Variants in TENT5D observed in about 807,000 individuals in gnomAD.
TENT5D encodes cancer/testis antigen 112.
For synonymous variants in TENT5D, 103 were observed against 100.6 expected (o/e 1.02, Z -0.15); for missense variants, 191 against 287.0 (o/e 0.67, Z 2.42).
At position 80,342,128 on chromosome X, in the gene TENT5D, A is replaced by T. The variant is rs531603414; in HGVS notation, c.-206-372A>T. Among the ~76,000 whole-genome samples, 58 of 111,750 alleles carry T rather than the reference A, an allele frequency of 5.2e-4. No homozygotes were observed. In the East Asian group the frequency reaches 0.01, roughly 19 times the overall value. ...AAAAGAGACATTCAATTAAAAGGTA[A>T]ATTCAAAATAAGAATTTATTTTAAA... On this transcript the variant is annotated intron_variant, in intron 2 of 4. Coordinates refer to the TENT5D transcript ENST00000538312.
At chrX:80,421,558 A>T (rs1253178470) in intron 1 of TENT5D, among the ~76,000 whole-genome samples, 3 of 112,654 alleles carry the variant, frequency 2.7e-5, no homozygotes, top group Admixed American at 9.4e-5. Context: ...AATTTAATGC[A>T]AGTAAAGTTT....
intron 3 of TENT5D, among the ~76,000 whole-genome samples, chrX:80,363,104 A>G (rs1930442598): frequency 8.9e-6 from 1 of 111,778 alleles, no homozygotes; most frequent in South Asian, 3.7e-4. Flanking sequence ...GTTAAAAAGT[A>G]CTTAAAATGT....
In TENT5D at chrX:80,426,160, C is replaced by T. The variant is rs372483407; in HGVS notation, c.-142+5597C>T. Among the ~76,000 whole-genome samples, 69 of 110,904 alleles carry T rather than the reference C, an allele frequency of 6.2e-4. 1 individual carries two copies. In the South Asian group the frequency reaches 0.017, roughly 27 times the overall value. On this transcript the variant is annotated intron_variant, in intron 1 of 2. Coordinates refer to ENST00000308293, the Ensembl canonical transcript of TENT5D. ...CTGTTTTCTGGATGCTCTAGGGGCC[C>T]GCTGTAGCATCCGAAAGCTAGGTGT...
intron 1 of TENT5D, among the ~76,000 whole-genome samples, chrX:80,434,220 AAGAC>A (rs1412081123): frequency 7.3e-5 from 8 of 109,817 alleles, no homozygotes; most frequent in African/African-American, 1.7e-4. Context: ...AAAAAAAAAA[AAGAC>A]AGATCAGGAT....
At chrX:80,395,930 CAT>C (rs952153897) in intron 3 of TENT5D, among the ~76,000 whole-genome samples, 2 of 106,702 alleles carry the variant, frequency 1.9e-5, no homozygotes, top group African/African-American at 6.8e-5. Context: ...TTAGCTTCCA[CAT>C]ATGAGTGAGA....
At chrX:80,444,019 G>C (rs974031221) in exon 3 of TENT5D, 2 of 209,549 alleles carry the variant, frequency 9.5e-6, no homozygotes, top group Non-Finnish European at 1.9e-5. Flanking sequence ...CAAATTTACT[G>C]TGACAAATAT....
intron 3 of TENT5D, among the ~76,000 whole-genome samples, chrX:80,383,081 C>T (rs1342040473): frequency 2.7e-5 from 3 of 112,146 alleles, no homozygotes; most frequent in Admixed American, 9.4e-5. Context: ...GCATCGATCA[C>T]GCTGGGAGCT....
chrX:80,443,997 A>T (rs779266628), exon 3 of TENT5D: 1 of 236,995 alleles, frequency 4.2e-6, no homozygotes, highest in South Asian at 1.9e-4. Context: ...TCTTTTGACT[A>T]CTTGTGACTT....
At chrX:80,436,958 C>A (rs987055072) in intron 1 of TENT5D, among the ~76,000 whole-genome samples, 1 of 111,737 alleles carries the variant, frequency 8.9e-6, no homozygotes, top group African/African-American at 3.3e-5. Flanking sequence ...TATTTGGTAT[C>A]TTTTTGCTTT....
chrX:80,398,261 CTGT>C (rs1255437344), intron 3 of TENT5D, among the ~76,000 whole-genome samples: 1 of 111,491 alleles, frequency 9.0e-6, no homozygotes, highest in African/African-American at 3.3e-5. Context: ...TTTTTGTTTG[CTGT>C]TGAGATATTT....
At chrX:80,346,241 T>G (rs1289014233) in intron 3 of TENT5D, among the ~76,000 whole-genome samples, 1 of 112,193 alleles carries the variant, frequency 8.9e-6, no homozygotes, top group Non-Finnish European at 1.9e-5. Flanking sequence ...TCCCATTATA[T>G]GAATGTACCA....
chrX:80,402,110 C>T (rs890867660), intron 3 of TENT5D, among the ~76,000 whole-genome samples: 2 of 110,876 alleles, frequency 1.8e-5, no homozygotes, highest in Non-Finnish European at 1.9e-5. Context: ...CTATATTTTT[C>T]GGGATTCAAT....
At chrX:80,371,198 G>C (rs1264442662) in intron 3 of TENT5D, among the ~76,000 whole-genome samples, 1 of 111,969 alleles carries the variant, frequency 8.9e-6, no homozygotes, top group East Asian at 2.8e-4. Flanking sequence ...TATTTTGAGA[G>C]AAATCTTTTT....
intron 3 of TENT5D, among the ~76,000 whole-genome samples, chrX:80,410,339 A>G (rs1357046103): frequency 1.1e-5 from 1 of 87,216 alleles, no homozygotes; most frequent in Admixed American, 1.3e-4. Context: ...TTCACAACCT[A>G]CTCATCTGAC....
In TENT5D at chrX:80,431,108, G is replaced by A. The variant is rs557538518; in HGVS notation, c.-141-7502G>A. Among the ~76,000 whole-genome samples, 3 of 112,109 alleles carry A rather than the reference G, an allele frequency of 2.7e-5. No individual in the cohort carries two copies. In the South Asian group the frequency reaches 1.1e-3, roughly 41 times the overall value. On this transcript the variant is annotated intron_variant, in intron 1 of 2. Coordinates refer to ENST00000308293, the Ensembl canonical transcript of TENT5D. ...TATAAAATCCCATTGTTGTTTAAAT[G>A]TCAATGTAGTTACATTCAGAGCATG...
chrX:80,425,898 G>A (rs1284730922), intron 1 of TENT5D, among the ~76,000 whole-genome samples: 1 of 110,327 alleles, frequency 9.1e-6, no homozygotes, highest in Non-Finnish European at 1.9e-5. Flanking sequence ...ATGGTGGTGG[G>A]CACCTGTAAT....
chrX:80,347,612 T>A (rs1930090414), intron 3 of TENT5D, among the ~76,000 whole-genome samples: 1 of 112,066 alleles, frequency 8.9e-6, no homozygotes, highest in South Asian at 3.7e-4. Flanking sequence ...TTTTCTCCCA[T>A]TCTGTAGGTT....
intron 3 of TENT5D, among the ~76,000 whole-genome samples, chrX:80,372,662 A>G (rs920857207): frequency 4.5e-5 from 5 of 110,478 alleles, no homozygotes; most frequent in African/African-American, 1.6e-4. Context: ...TGAGGCGTGC[A>G]GATCACTTGA....
At chrX:80,381,899 G>A (rs760034082) in intron 3 of TENT5D, among the ~76,000 whole-genome samples, 35 of 111,852 alleles carry the variant, frequency 3.1e-4, no homozygotes, top group African/African-American at 9.1e-4. Context: ...CAATGAGTTC[G>A]AACATCCTTC....
Sources: gnomAD v4.1 joint callset for allele counts (sites outside exome capture counted in the v4.1 genomes callset) on GRCh38, gnomAD v4.1.1 for gene constraint, MANE v1.5 for transcripts, NCBI Gene and HGNC (gene_info 2026-07-23, HGNC 2026-07-21) for gene names.